SLC22A16: variants seen among roughly 807,000 people sequenced by gnomAD.
SLC22A16 encodes the protein solute carrier family 22 member 16, also known as WUGSC:RG331P03.1.
Under a neutral mutation model 52.9 loss-of-function variants are expected in SLC22A16, and 53 were observed. The observed-to-expected ratio is 1.00, with a 90% CI of 0.80 to 1.26. The LOEUF (loss-of-function observed/expected upper bound fraction) is 1.26, where lower values mean the gene tolerates loss of function less well. Ranked by LOEUF, SLC22A16 falls within the 50% of genes most tolerant of loss-of-function variation. SLC22A16 has a pLI of 0.00. For synonymous variants in SLC22A16, 291 were observed against 268.8 expected, an observed-to-expected ratio of 1.08 and a Z score of -0.81; for missense variants, 726 against 704.0, an observed-to-expected ratio of 1.03 and a Z score of -0.35.
intron 7 of SLC22A16, among the ~76,000 whole-genome samples, chr6:110,430,358 G>A (rs1429955920): frequency 6.6e-6 from 1 of 151,998 alleles, no homozygotes; most frequent in Non-Finnish European, 1.5e-5. Flanking sequence ...TGTACATGAG[G>A]CTGGAGGAAA....
chr6:110,454,914 ATATAATATATATAT>A (rs1434990999), intron 2 of SLC22A16, among the ~76,000 whole-genome samples: 6 of 92,610 alleles, frequency 6.5e-5, no homozygotes, highest in South Asian at 2.6e-4. Context: ...GTTATATTAT[ATATAATATATATAT>A]TATAATATAT....
rs752451111 is a variant in SLC22A16 at position 110,476,512 on chromosome 6, T to G, written c.53+10A>C. On this transcript the variant is annotated intron_variant, in intron 1 of 7. Transcript: ENST00000368919. ...CTCCCGCGTGGCGCCGCGGGGCCCCTCCCCCATACCTGCCGAAGTGCCCCA... is the reference window on the plus strand; with the variant it reads ...CTCCCGCGTGGCGCCGCGGGGCCCCGCCCCCATACCTGCCGAAGTGCCCCA... 9 of 541,384 alleles carry G rather than the reference T, an allele frequency of 1.7e-5. No homozygotes were observed. Among genetic ancestry groups the G allele is most frequent in the African/African-American group, 5.9e-5 (1 of 16,894 alleles). The allele number at this position is 541,384 out of a possible 1,614,324, so 33.5% of individuals were successfully genotyped here.
rs372140051 is a variant in SLC22A16 at position 110,456,565 on chromosome 6, G to A, written c.506C>T (p.Ser169Leu). The A allele has an allele frequency of 6.4e-5, 104 of 1,613,956 alleles. No homozygotes were observed. Among genetic ancestry groups the A allele is most frequent in the South Asian group, 3.7e-4 (34 of 91,056 alleles). Residue 169 changes from serine to leucine, a missense_variant, in exon 2 of 8, where the codon TCG (serine) becomes TTG (leucine). Physicochemically the swap from Ser to Leu is moderately radical, Grantham distance 145. Transcript: ENST00000368919. ...PLFMFGVLLG[S>L]VTFGYFSDRL... ...GTCAGAAAAGTAGCCAAAAGTCACC[G>A]ATCCCAGTAGGACTCCAAACATAAA...
intron 1 of SLC22A16, among the ~76,000 whole-genome samples, chr6:110,463,594 A>G (rs1775967548): frequency 6.6e-6 from 1 of 151,702 alleles, no homozygotes; most frequent in African/African-American, 2.4e-5. Context: ...AGATTTAACT[A>G]TCCTAAATAC....
rs759649773 is a variant in SLC22A16, at chr6:110,436,837, A to G, written c.1312-876T>C. The stretch of plus-strand genomic sequence containing the variant: ...TCCACCTCGGTTTTTATTCTCCCTA[A>G]TGTGTTCCACTTCCAAAGGTAACTA... On this transcript the variant is annotated intron_variant, in intron 5 of 7. Transcript: ENST00000368919. 1.4e-4 allele frequency among the ~76,000 whole-genome samples: 22 copies of G among 152,228 alleles called. 1 individual carries two copies. The highest frequency in any genetic ancestry group is 6.8e-3 in the Middle Eastern group (2 of 294).
chr6:110,434,525 A>G (rs12154020), intron 6 of SLC22A16, among the ~76,000 whole-genome samples: 12,959 of 151,290 alleles, frequency 0.086, 972 homozygotes, highest in African/African-American at 0.21. Flanking sequence ...CCACATAAAG[A>G]GTTTCCAAGT....
chr6:110,434,262 T>C (rs1251344799), intron 6 of SLC22A16, among the ~76,000 whole-genome samples: 1 of 151,812 alleles, frequency 6.6e-6, no homozygotes, highest in Non-Finnish European at 1.5e-5. Context: ...TAAAATCCAA[T>C]GGAGAATCAG....
chr6:110,469,787 T>A (rs1776198733), intron 1 of SLC22A16, among the ~76,000 whole-genome samples: 1 of 152,254 alleles, frequency 6.6e-6, no homozygotes, highest in Non-Finnish European at 1.5e-5. Context: ...TCTGCTTTGC[T>A]AAAAGACATT....
intron 1 of SLC22A16, among the ~76,000 whole-genome samples, chr6:110,458,146 C>CCT (rs143252306): frequency 9.4e-5 from 14 of 149,674 alleles, no homozygotes; most frequent in East Asian, 3.9e-4. Flanking sequence ...TAAGCTGTCT[C>CCT]CTCTCTCTCT....
At chr6:110,435,068 C>T (rs1774670443) in intron 6 of SLC22A16, among the ~76,000 whole-genome samples, 1 of 152,126 alleles carries the variant, frequency 6.6e-6, no homozygotes. Context: ...TTATGAAATA[C>T]CTCAATGACT....
intron 1 of SLC22A16, chr6:110,474,844 TG>T (rs1562305766): frequency 6.1e-6 from 3 of 495,092 alleles, no homozygotes; most frequent in African/African-American, 5.9e-5. Context: ...TCTGTTTGAT[TG>T]GGCACTTTAG....
chr6:110,425,740 C>T (rs1026758326), intron 7 of SLC22A16, among the ~76,000 whole-genome samples: 3 of 152,212 alleles, frequency 2.0e-5, no homozygotes, highest in Non-Finnish European at 4.4e-5. Context: ...TAGACTAGCG[C>T]CAAGGCGTTT....
chr6:110,446,032 A>T lies in SLC22A16; in HGVS notation c.651+841T>A, dbSNP rs182439136. Among the ~76,000 whole-genome samples, 51 of 151,994 alleles carry T rather than the reference A, an allele frequency of 3.4e-4. No individual in the cohort carries two copies. In the East Asian group the frequency reaches 7.0e-3, roughly 21 times the overall value. Reference sequence around the variant, plus strand: ...CATCAAAAAAGACTCCAAAACTGACACCCCATCTTGTTCTCTGAGGGGGTG... The same window carrying T: ...CATCAAAAAAGACTCCAAAACTGACTCCCCATCTTGTTCTCTGAGGGGGTG... On this transcript the variant is annotated intron_variant, in intron 3 of 7. Coordinates refer to ENST00000368919, the MANE Select transcript of SLC22A16 (RefSeq NM_033125.4).
At chr6:110,451,065 A>C (rs1775361279) in intron 2 of SLC22A16, among the ~76,000 whole-genome samples, 1 of 152,238 alleles carries the variant, frequency 6.6e-6, no homozygotes, top group Admixed American at 6.5e-5. Flanking sequence ...ACAATACCAC[A>C]TGTATTATTT....
chr6:110,475,445 G>C (rs775297813), intron 1 of SLC22A16, among the ~76,000 whole-genome samples: 1 of 152,164 alleles, frequency 6.6e-6, no homozygotes, highest in Non-Finnish European at 1.5e-5. Context: ...ACAAGGCAGC[G>C]TTCAATGATG....
rs1554229887 is a variant in SLC22A16, at chr6:110,476,507, G to GCCCCCCCCCCCCCCCCCCCCCCCCCCAC, written c.53+14_53+15insGTGGGGGGGGGGGGGGGGGGGGGGGGGG. On this transcript the variant is annotated intron_variant, in intron 1 of 7. Transcript: ENST00000368919. ...GCCGCCTCCCGCGTGGCGCCGCGGGGCCCCTCCCCCATACCTGCCGAAGTG... is the reference window on the plus strand; with the variant it reads ...GCCGCCTCCCGCGTGGCGCCGCGGGGCCCCCCCCCCCCCCCCCCCCCCCCCCACCCCCTCCCCCATACCTGCCGAAGTG... The GCCCCCCCCCCCCCCCCCCCCCCCCCCAC allele has an allele frequency of 9.3e-7, 1 of 1,072,998 alleles. No homozygotes were observed. The highest frequency in any genetic ancestry group is 2.8e-5 in the African/African-American group (1 of 35,466). The allele number at this position is 1,072,998 out of a possible 1,614,324, so 66.5% of individuals were successfully genotyped here.
chr6:110,431,597 T>G (rs943544103), intron 6 of SLC22A16, among the ~76,000 whole-genome samples: 2 of 152,182 alleles, frequency 1.3e-5, no homozygotes, highest in African/African-American at 4.8e-5. Flanking sequence ...GTGTGTAGTA[T>G]GCTGGGCCAT....
chr6:110,431,406 G>C, intron 6 of SLC22A16, 136 bp from the exon 7 acceptor site: 1 of 660,074 alleles, frequency 1.5e-6, no homozygotes, highest in Non-Finnish European at 2.6e-6. Context: ...CAACGTTTCA[G>C]TCAACCTCGG....
chr6:110,426,826 T>G (rs1292442724), intron 7 of SLC22A16, among the ~76,000 whole-genome samples: 1 of 152,000 alleles, frequency 6.6e-6, no homozygotes, highest in East Asian at 1.9e-4. Context: ...GGCACATGCC[T>G]GTAATCCCAG....
Sources: allele counts gnomAD v4.1 joint callset (sites outside exome capture counted in the v4.1 genomes callset), GRCh38; gene constraint gnomAD v4.1.1; transcripts MANE v1.5; gene names NCBI Gene and HGNC (gene_info 2026-07-23, HGNC 2026-07-21).